ARHGEF28: variants seen among roughly 807,000 people sequenced by gnomAD.
The protein encoded by ARHGEF28 is 190 kDa guanine nucleotide exchange factor.
A neutral mutation model predicts 206.6 loss-of-function variants in ARHGEF28; 152 were observed. The observed-to-expected ratio is 0.74, with a 90% CI of 0.64 to 0.84. ARHGEF28 has a LOEUF of 0.84. Ranked by LOEUF, ARHGEF28 falls within the 40% of genes least tolerant of loss-of-function variation. ARHGEF28 has a pLI of 0.00. For synonymous variants in ARHGEF28, 763 were observed against 776.4 expected (o/e 0.98, Z 0.29); for missense variants, 2,028 against 2,073.2 (o/e 0.98, Z 0.42).
At chr5:73,930,902 C>T (rs867252273) in intron 35 of ARHGEF28, among the ~76,000 whole-genome samples, 1 of 152,166 alleles carries the variant, frequency 6.6e-6, no homozygotes, top group Non-Finnish European at 1.5e-5. Context: ...GCCTGCTCTG[C>T]GTGGTCACCC....
intron 33 of ARHGEF28, 90 bp downstream of exon 33, chr5:73,904,495 A>G: frequency 1.5e-6 from 2 of 1,320,470 alleles, no homozygotes; most frequent in South Asian, 1.4e-5. Flanking sequence ...AATGAGAACA[A>G]GTGAGAGGTA....
intron 21 of ARHGEF28, among the ~76,000 whole-genome samples, chr5:73,871,914 G>C (rs1218166013): frequency 2.0e-5 from 3 of 152,216 alleles, no homozygotes; most frequent in Non-Finnish European, 2.9e-5. Context: ...GTTCATCCTA[G>C]TTGTAATATG....
At chr5:73,869,620 A>G (rs1759958615) in intron 20 of ARHGEF28, among the ~76,000 whole-genome samples, 1 of 152,110 alleles carries the variant, frequency 6.6e-6, no homozygotes, top group Non-Finnish European at 1.5e-5. Context: ...AAGATGTTTC[A>G]GTCTGGCTGG....
chr5:73,692,773 T>C (rs1200005928), intron 2 of ARHGEF28, among the ~76,000 whole-genome samples: 1 of 152,206 alleles, frequency 6.6e-6, no homozygotes, highest in Non-Finnish European at 1.5e-5. Flanking sequence ...CAGCTTCTTA[T>C]TGAGGTAGTA....
At chr5:73,855,229 T>C (rs752928739) in intron 14 of ARHGEF28, among the ~76,000 whole-genome samples, 1 of 152,180 alleles carries the variant, frequency 6.6e-6, no homozygotes, top group Non-Finnish European at 1.5e-5. Flanking sequence ...AGATATGAAA[T>C]GAAGCAACCA....
intron 28 of ARHGEF28, 43 bp from the exon 29 acceptor site, chr5:73,894,350 T>C (rs1761829568): frequency 6.6e-7 from 1 of 1,523,698 alleles, no homozygotes; most frequent in East Asian, 2.3e-5. Context: ...AGTGGTTGTA[T>C]TCATGTTAGT....
chr5:73,816,861 G>A (rs758496175), intron 9 of ARHGEF28, among the ~76,000 whole-genome samples: 8 of 152,158 alleles, frequency 5.3e-5, no homozygotes, highest in Non-Finnish European at 1.0e-4. Flanking sequence ...CCCAGGACAG[G>A]CCATACTAGC....
chr5:73,676,481 C>T (rs1746698217), intron 1 of ARHGEF28, among the ~76,000 whole-genome samples: 1 of 152,134 alleles, frequency 6.6e-6, no homozygotes, highest in Non-Finnish European at 1.5e-5. Flanking sequence ...TCAGGTGATC[C>T]ACCCGCCTCA....
intron 1 of ARHGEF28, among the ~76,000 whole-genome samples, chr5:73,682,354 T>G (rs1325169816): frequency 6.6e-6 from 1 of 152,084 alleles, no homozygotes; most frequent in Non-Finnish European, 1.5e-5. Flanking sequence ...ATAGAACTTT[T>G]CATATTCACT....
At chr5:73,769,954 C>T (rs1245064226) in intron 4 of ARHGEF28, among the ~76,000 whole-genome samples, 4 of 152,170 alleles carry the variant, frequency 2.6e-5, no homozygotes, top group Admixed American at 2.6e-4. Flanking sequence ...CAGAGTGGCA[C>T]ATTTGGTTAT....
At chr5:73,921,172 A>T (rs1763503273) in intron 35 of ARHGEF28, among the ~76,000 whole-genome samples, 1 of 152,248 alleles carries the variant, frequency 6.6e-6, no homozygotes, top group African/African-American at 2.4e-5. Context: ...TCTAGGTATC[A>T]GCCTTAAAAT....
At chr5:73,644,811 G>A (rs925124654) in intron 1 of ARHGEF28, among the ~76,000 whole-genome samples, 1 of 152,190 alleles carries the variant, frequency 6.6e-6, no homozygotes, top group Non-Finnish European at 1.5e-5. Flanking sequence ...AGAATCTCTG[G>A]CAGGTGGGAG....
At chr5:73,867,079 G>T (rs941989576) in intron 18 of ARHGEF28, among the ~76,000 whole-genome samples, 7 of 152,214 alleles carry the variant, frequency 4.6e-5, no homozygotes, top group African/African-American at 1.7e-4. Flanking sequence ...TTTTCATAGG[G>T]TTAAATGTGA....
chr5:73,755,624 A>G (rs1170466445), intron 4 of ARHGEF28, among the ~76,000 whole-genome samples: 1 of 152,246 alleles, frequency 6.6e-6, no homozygotes, highest in Non-Finnish European at 1.5e-5. Context: ...ATATTTAGAA[A>G]TACATTCATA....
chr5:73,735,650 T>C (rs1750875468), intron 2 of ARHGEF28, among the ~76,000 whole-genome samples: 1 of 152,198 alleles, frequency 6.6e-6, no homozygotes, highest in African/African-American at 2.4e-5. Context: ...ACTGCCTGTG[T>C]CTCCTAGACT....
chr5:73,713,869 CAGAG>C (rs1316752221), intron 2 of ARHGEF28, among the ~76,000 whole-genome samples: 3 of 151,538 alleles, frequency 2.0e-5, no homozygotes, highest in East Asian at 1.9e-4. Flanking sequence ...TGATGTTTTT[CAGAG>C]AGAGAGAGAA....
chr5:73,704,000 G>T (rs542184105), intron 2 of ARHGEF28, among the ~76,000 whole-genome samples: 1 of 148,552 alleles, frequency 6.7e-6, no homozygotes, highest in African/African-American at 2.5e-5. Context: ...CTTCAGCCTA[G>T]ATGACAGAGT....
At chr5:73,649,130 G>C (rs1314238580) in intron 1 of ARHGEF28, among the ~76,000 whole-genome samples, 4 of 152,222 alleles carry the variant, frequency 2.6e-5, no homozygotes, top group African/African-American at 7.2e-5. Flanking sequence ...GACAGATTAA[G>C]TAGCTTGCCT....
Position 73,740,689 on chromosome 5 carries a change from C to G in ARHGEF28, c.34-9148C>G, listed in dbSNP as rs180815091. ...CAATTGTTCTTCATATGACAGCATG[C>G]TTTTTGCATCCCTTTGGCATCCTTG... On this transcript the variant is annotated intron_variant, in intron 2 of 35. Transcript: ENST00000513042. Among the ~76,000 whole-genome samples the G allele has an allele frequency of 3.6e-3, 553 of 152,272 alleles. 11 individuals are homozygous for G. The highest frequency in any genetic ancestry group is 0.031 in the Admixed American group (476 of 15,292).
Sources: allele counts gnomAD v4.1 joint callset (sites outside exome capture counted in the v4.1 genomes callset), GRCh38; gene constraint gnomAD v4.1.1; transcripts MANE v1.5; gene names NCBI Gene and HGNC (gene_info 2026-07-23, HGNC 2026-07-21).